Variants in MTX2 observed in about 807,000 individuals in gnomAD.
The protein encoded by MTX2 is metaxin-2.
A neutral mutation model predicts 42.3 loss-of-function variants in MTX2; 35 were observed. That is an observed-to-expected ratio of 0.83 (90% CI 0.63 to 1.10). MTX2 has a LOEUF of 1.10. MTX2 is among the 50% of genes least tolerant of loss of function. MTX2 has a pLI of 0.00. For synonymous variants in MTX2, 119 were observed against 100.9 expected (o/e 1.18, Z -1.08); for missense variants, 307 against 304.1 (o/e 1.01, Z -0.07).
chr2:176,299,238 T>C (rs1446892549), intron 3 of MTX2, among the ~76,000 whole-genome samples: 1 of 151,936 alleles, frequency 6.6e-6, no homozygotes, highest in Non-Finnish European at 1.5e-5. Flanking sequence ...ACATACAGAG[T>C]GGTCCCTGCA....
chr2:176,293,500 T>C (rs1346214092), intron 1 of MTX2, among the ~76,000 whole-genome samples: 1 of 152,150 alleles, frequency 6.6e-6, no homozygotes, highest in African/African-American at 2.4e-5. Flanking sequence ...GGATCCCTCA[T>C]GAATGGCTCA....
At chr2:176,296,184 C>G (rs891652965) in intron 1 of MTX2, among the ~76,000 whole-genome samples, 1 of 152,134 alleles carries the variant, frequency 6.6e-6, no homozygotes, top group Non-Finnish European at 1.5e-5. Flanking sequence ...AGTTTCATTT[C>G]AGGCCTAAAA....
chr2:176,319,106 C>T (rs752812376), intron 3 of MTX2, among the ~76,000 whole-genome samples: 2 of 151,984 alleles, frequency 1.3e-5, no homozygotes, highest in Non-Finnish European at 2.9e-5. Context: ...AGTATTCAAC[C>T]GAGGAATAAG....
intron 8 of MTX2, 91 bp downstream of exon 8, chr2:176,329,517 TAA>T (rs2105445390): frequency 8.0e-7 from 1 of 1,242,528 alleles, no homozygotes; most frequent in South Asian, 2.1e-5. Context: ...AAAATATATA[TAA>T]GATTTGCAAG....
At chr2:176,312,351 A>G (rs1445873762) in intron 3 of MTX2, among the ~76,000 whole-genome samples, 1 of 152,204 alleles carries the variant, frequency 6.6e-6, no homozygotes, top group African/African-American at 2.4e-5. Context: ...AGTAAACAAG[A>G]TAGACATTGT....
intron 4 of MTX2, among the ~76,000 whole-genome samples, chr2:176,325,271 T>G (rs1249472192): frequency 1.3e-5 from 2 of 151,796 alleles, no homozygotes; most frequent in Non-Finnish European, 2.9e-5. Context: ...CCCTCAGTTT[T>G]CTTATATGAC....
chr2:176,335,491 G>A (rs1684967247), intron 9 of MTX2, among the ~76,000 whole-genome samples: 1 of 152,050 alleles, frequency 6.6e-6, no homozygotes, highest in Non-Finnish European at 1.5e-5. Flanking sequence ...ATGGTATGGA[G>A]AATGAGTAGA....
intron 3 of MTX2, among the ~76,000 whole-genome samples, chr2:176,308,991 C>T (rs1002690063): frequency 4.6e-5 from 7 of 152,092 alleles, no homozygotes; most frequent in East Asian, 3.9e-4. Flanking sequence ...GTTAGGGTGT[C>T]GATTTTAGAA....
At chr2:176,288,486 C>CT (rs1262079174) in intron 1 of MTX2, among the ~76,000 whole-genome samples, 1 of 151,822 alleles carries the variant, frequency 6.6e-6, no homozygotes, top group Non-Finnish European at 1.5e-5. Context: ...GCATTTACAA[C>CT]TTTGGCAGGA....
intron 4 of MTX2, 41 bp from the exon 5 acceptor site, chr2:176,326,784 C>T: frequency 8.2e-7 from 1 of 1,218,068 alleles, no homozygotes; most frequent in South Asian, 1.4e-5. Flanking sequence ...CTTTAACATA[C>T]TGGAAGTATT....
chr2:176,277,528 G>C (rs1692976576), intron 1 of MTX2, among the ~76,000 whole-genome samples: 1 of 151,950 alleles, frequency 6.6e-6, no homozygotes, highest in South Asian at 2.1e-4. Flanking sequence ...TCAGACTCCT[G>C]AGTAGCTGGG....
Position 176,337,752 on chromosome 2 carries a change from C to T in MTX2, c.*88C>T. On this transcript the variant is annotated 3_prime_UTR_variant, in exon 10 of 10. Coordinates refer to ENST00000249442, the MANE Select transcript of MTX2 (RefSeq NM_006554.5). ...GATATTGGTGTCAGAATTTTAAAAC[C>T]AAATTACTGCTTTTTGAAACCTCAA... The T allele has an allele frequency of 8.2e-7, 1 of 1,221,558 alleles. No individual in the cohort carries two copies. The highest frequency in any genetic ancestry group is 1.1e-6 in the Non-Finnish European group (1 of 892,300). The allele number at this position is 1,221,558 out of a possible 1,614,324, so 75.7% of individuals were successfully genotyped here.
chr2:176,297,972 C>T lies in MTX2; in HGVS notation c.135+77C>T. On this transcript the variant is annotated intron_variant, in intron 3 of 9. Coordinates refer to ENST00000249442, the MANE Select transcript of MTX2 (RefSeq NM_006554.5). ...CATTTTGACTTGCAGTTATATTTTT[C>T]CCCTTCCAAAATGTCTGATACTATA... 7 of 1,144,546 alleles carry T rather than the reference C, an allele frequency of 6.1e-6. No individual in the cohort carries two copies. In the South Asian group the frequency reaches 7.7e-5, roughly 13 times the overall value. The allele number at this position is 1,144,546 out of a possible 1,614,324, so 70.9% of individuals were successfully genotyped here. A position where few individuals can be genotyped will look rare whatever the true frequency, so the allele number is the denominator to read the frequency against.
chr2:176,319,632 G>A (rs974434033), intron 3 of MTX2, among the ~76,000 whole-genome samples: 3 of 151,976 alleles, frequency 2.0e-5, no homozygotes, highest in East Asian at 1.9e-4. Context: ...CTGGAGTGCA[G>A]TGGTGCGACC....
In MTX2 at chr2:176,326,856, A is replaced by C. The variant is rs1309134100; in HGVS notation, c.240A>C (p.Gln80His). 1 of 1,575,074 alleles carries C rather than the reference A, an allele frequency of 6.3e-7. No individual in the cohort carries two copies. Among genetic ancestry groups the C allele is most frequent in the Non-Finnish European group, 8.6e-7 (1 of 1,158,350 alleles). Residue 80 changes from glutamine (Q) to histidine (H), a missense_variant, in exon 5 of 10, where the codon CAA (glutamine) becomes CAC (histidine). Physicochemically the swap from Gln to His is conservative, Grantham distance 24. Coordinates refer to ENST00000249442, the MANE Select transcript of MTX2 (RefSeq NM_006554.5). The stretch of plus-strand genomic sequence containing the variant: ...TACCTTTTATTCATGTGGGAAATCA[A>C]GTAGTATCAGAACTTGGTCCAATAG... Reference protein sequence around the residue: ...GKVPFIHVGNQVVSELGPIVQ... With the variant: ...GKVPFIHVGNHVVSELGPIVQ...
chr2:176,313,385 A>ATTTTTTTT (rs1684362410), intron 3 of MTX2, among the ~76,000 whole-genome samples: 1 of 111,576 alleles, frequency 9.0e-6, no homozygotes, highest in African/African-American at 3.7e-5. Flanking sequence ...TTCTACACTG[A>ATTTTTTTT]TTCTTTTTTT....
chr2:176,337,368 A>G, intron 9 of MTX2, 125 bp from the exon 10 acceptor site: 3 of 727,626 alleles, frequency 4.1e-6, no homozygotes, highest in East Asian at 2.9e-5. Flanking sequence ...ATCTTTTAAA[A>G]TATTTTGGAT....
Position 176,300,236 on chromosome 2 carries a change from C to T in MTX2, c.135+2341C>T, listed in dbSNP as rs1403992. 3.2e-3 allele frequency among the ~76,000 whole-genome samples: 486 copies of T among 152,166 alleles called. 6 individuals are homozygous for T. The East Asian group carries it at 0.036, about 11-fold the overall frequency. On this transcript the variant is annotated intron_variant, in intron 3 of 9. Transcript: ENST00000249442. Reference sequence around the variant, plus strand: ...AAAAAGTAACTTTGATAATAATTCTCTGTTACTATTCTCTGTTACCCCCAA... The same window carrying T: ...AAAAAGTAACTTTGATAATAATTCTTTGTTACTATTCTCTGTTACCCCCAA...
intron 3 of MTX2, among the ~76,000 whole-genome samples, chr2:176,320,661 A>T (rs1378117860): frequency 6.6e-6 from 1 of 150,868 alleles, no homozygotes; most frequent in East Asian, 1.9e-4. Flanking sequence ...AGATCTCTCC[A>T]GCTAAGGTCT....
Sources: gnomAD v4.1 joint callset for allele counts (sites outside exome capture counted in the v4.1 genomes callset) on GRCh38, gnomAD v4.1.1 for gene constraint, MANE v1.5 for transcripts, NCBI Gene and HGNC (gene_info 2026-07-23, HGNC 2026-07-21) for gene names.